The following LATS2 variants were observed in gnomAD, a reference collection of about 807,000 sequenced individuals.
LATS2 encodes large tumor suppressor kinase 2.
LATS2 carries 24 observed loss-of-function variants against 76.0 expected under a neutral mutation model. That is an observed-to-expected ratio of 0.32 (90% confidence interval 0.23 to 0.44). The LOEUF (loss-of-function observed/expected upper bound fraction) is 0.44. LATS2 is among the 20% of genes least tolerant of loss of function. The pLI is 1.00. For synonymous variants in LATS2, 692 were observed against 635.4 expected, an observed-to-expected ratio of 1.09 and a Z score of -1.34; for missense variants, 1,286 against 1,481.2, an observed-to-expected ratio of 0.87 and a Z score of 2.16.
At chr13:21,026,222 G>C (rs1264094126) in intron 2 of LATS2, among the ~76,000 whole-genome samples, 1 of 152,142 alleles carries the variant, frequency 6.6e-6, no homozygotes, top group Non-Finnish European at 1.5e-5. Context: ...CAAAGATACA[G>C]AATATTTCCA....
chr13:20,998,275 C>T (rs1203740024), intron 2 of LATS2, among the ~76,000 whole-genome samples: 1 of 152,118 alleles, frequency 6.6e-6, no homozygotes, highest in Non-Finnish European at 1.5e-5. Flanking sequence ...TCACTTTGAA[C>T]CTGGGAGGTG....
intron 2 of LATS2, among the ~76,000 whole-genome samples, chr13:21,027,983 G>A (rs527631937): frequency 2.7e-4 from 41 of 151,342 alleles, no homozygotes; most frequent in African/African-American, 9.5e-4. Flanking sequence ...ACAATGTGCC[G>A]GTTAGTTACA....
chr13:20,998,660 G>A (rs951054010), intron 2 of LATS2, among the ~76,000 whole-genome samples: 3 of 152,194 alleles, frequency 2.0e-5, no homozygotes, highest in East Asian at 1.9e-4. Context: ...TCCTCTAACC[G>A]CCCCACCATT....
chr13:20,987,492 C>T (rs187690915), intron 4 of LATS2, among the ~76,000 whole-genome samples: 1 of 152,354 alleles, frequency 6.6e-6, no homozygotes, highest in Admixed American at 6.5e-5. Flanking sequence ...CAAAATCCCA[C>T]AATCTCAATT....
chr13:21,009,608 C>G lies in LATS2; in HGVS notation c.343-18204G>C, dbSNP rs141119128. On this transcript the variant is annotated intron_variant, in intron 2 of 7. Coordinates refer to ENST00000382592, the MANE Select transcript of LATS2 (RefSeq NM_014572.3). ...GTGGTGCATTAGCCACACCAAATCA[C>G]TCTTACTATTCTTAATTTTTCATCA... Among the ~76,000 whole-genome samples, 110 of 152,340 alleles carry G rather than the reference C, an allele frequency of 7.2e-4. 2 individuals are homozygous for G. The highest frequency in any genetic ancestry group is 2.4e-3 in the African/African-American group (98 of 41,570).
chr13:21,020,831 G>A (rs1263655621), intron 2 of LATS2, among the ~76,000 whole-genome samples: 2 of 152,328 alleles, frequency 1.3e-5, no homozygotes, highest in Non-Finnish European at 1.5e-5. Context: ...CATCCCTGCT[G>A]TCATGTGGCA....
intron 2 of LATS2, among the ~76,000 whole-genome samples, chr13:20,993,947 T>C (rs1386896761): frequency 6.6e-6 from 1 of 152,216 alleles, no homozygotes; most frequent in Non-Finnish European, 1.5e-5. Context: ...TTCAATTGCT[T>C]CATCTGAAAC....
In LATS2 at chr13:20,974,875, C is replaced by A. The variant is rs777319923; in HGVS notation, c.3262G>T (p.Val1088Leu). 6.2e-7 allele frequency: 1 copy of A among 1,608,924 alleles called. No individual in the cohort carries two copies. The highest frequency in any genetic ancestry group is 8.5e-7 in the Non-Finnish European group (1 of 1,177,530). ...TGGGGGTGCCTGGCCCCCATCTACA[C>A]GTACACAGGCTGGCAGCCTTCAGTC... is the stretch of plus-strand genomic sequence containing the variant. ...DQTEGCQPVY[V>L] Residue 1088 changes from valine to leucine, a missense_variant, in exon 8 of 8, where the codon GTG becomes TTG. Val to Leu is a conservative substitution (Grantham distance 32). Coordinates refer to ENST00000382592, the MANE Select transcript of LATS2 (RefSeq NM_014572.3).
intron 2 of LATS2, among the ~76,000 whole-genome samples, chr13:20,993,179 G>C (rs1237743775): frequency 6.6e-6 from 1 of 152,158 alleles, no homozygotes; most frequent in African/African-American, 2.4e-5. Context: ...ATGCAGCACT[G>C]AGTGTCCCCC....
chr13:21,044,107 C>A (rs1336881517), intron 2 of LATS2, among the ~76,000 whole-genome samples: 4 of 152,242 alleles, frequency 2.6e-5, no homozygotes, highest in African/African-American at 9.6e-5. Flanking sequence ...ACATTACTCA[C>A]AACCCTGTGC....
chr13:21,010,201 A>AAACAAACAAAC (rs1555225649), intron 2 of LATS2, among the ~76,000 whole-genome samples: 465 of 150,724 alleles, frequency 3.1e-3, no homozygotes, highest in African/African-American at 7.6e-3. Context: ...CTCTGTCAAA[A>AAACAAACAAAC]AAACAAACAA....
intron 2 of LATS2, among the ~76,000 whole-genome samples, chr13:21,032,396 T>C (rs1426511244): frequency 6.6e-6 from 1 of 152,080 alleles, no homozygotes; most frequent in Non-Finnish European, 1.5e-5. Context: ...GCCTCCTGAG[T>C]AGCTGGGATT....
At chr13:21,057,030 A>G (rs1413061217) in intron 1 of LATS2, among the ~76,000 whole-genome samples, 1 of 152,212 alleles carries the variant, frequency 6.6e-6, no homozygotes, top group African/African-American at 2.4e-5. Context: ...CCCGAGTAAG[A>G]ATGGAGTTAA....
chr13:21,015,864 T>A (rs374594463), intron 2 of LATS2, among the ~76,000 whole-genome samples: 1 of 151,672 alleles, frequency 6.6e-6, no homozygotes, highest in African/African-American at 2.4e-5. Flanking sequence ...CATGCCCAGC[T>A]AATTTTTGTA....
intron 2 of LATS2, among the ~76,000 whole-genome samples, chr13:21,040,973 T>C (rs949586567): frequency 2.3e-4 from 35 of 151,508 alleles, no homozygotes; most frequent in Non-Finnish European, 1.9e-4. Context: ...AGGCATGTGT[T>C]CACCTTTTTT....
At position 20,981,502 on chromosome 13, in the gene LATS2, G is replaced by C; in HGVS notation, c.2629C>G (p.Pro877Ala). 1 of 1,614,108 alleles carries C rather than the reference G, an allele frequency of 6.2e-7. No homozygotes were observed. Among genetic ancestry groups the C allele is most frequent in the South Asian group, 1.1e-5 (1 of 91,078 alleles). The change falls in exon 6 of 8, where the codon CCA (proline) becomes GCA (alanine). Residue 877 changes from proline (P) to alanine (A), a missense_variant. Pro to Ala is a conservative substitution (Grantham distance 27). This residue lies in a region of LATS2 where 247 missense variants were observed against 385.4 expected (regional missense o/e 0.64). Transcript: ENST00000382592. ...AGCACCTCGGGTGCGATGTAGTTTG[G>C]AGTCCCCACCAGTGAATGTGCCAGG... ...RCLAHSLVGT[P>A]NYIAPEVLLR... is the part of the protein sequence containing the mutation.
At position 21,046,197 on chromosome 13, in the gene LATS2, T is replaced by C; in HGVS notation, c.-171A>G. ...GTAGTTCCTATAGAGAACCTAAAAT[T>C]TTCCAAAGTCTTCATTTTGAAGATT... On this transcript the variant is annotated 5_prime_UTR_variant, in exon 2 of 8. Coordinates refer to ENST00000382592, the MANE Select transcript of LATS2 (RefSeq NM_014572.3). The C allele has an allele frequency of 1.9e-6, 1 of 515,486 alleles. No individual in the cohort carries two copies. The allele number at this position is 515,486 out of a possible 1,614,324, so 31.9% of individuals were successfully genotyped here. A position where few individuals can be genotyped will look rare whatever the true frequency, so the allele number is the denominator to read the frequency against.
At chr13:21,011,914 A>G (rs1223674597) in intron 2 of LATS2, among the ~76,000 whole-genome samples, 3 of 152,218 alleles carry the variant, frequency 2.0e-5, no homozygotes, top group Admixed American at 2.0e-4. Context: ...CTCACTTAAC[A>G]TCATCATTAT....
Position 21,025,645 on chromosome 13 carries a change from C to T in LATS2, c.342+20040G>A, listed in dbSNP as rs368644979. ...CTCTGTCTCATCGTCATTAGGTCTGCACTCATTGACCCAGACAGGTTCAGA... is the reference window on the plus strand; with the variant it reads ...CTCTGTCTCATCGTCATTAGGTCTGTACTCATTGACCCAGACAGGTTCAGA... On this transcript the variant is annotated intron_variant, in intron 2 of 7. Coordinates refer to ENST00000382592, the MANE Select transcript of LATS2 (RefSeq NM_014572.3). Among the ~76,000 whole-genome samples the T allele has an allele frequency of 1.6e-3, 240 of 152,306 alleles. 1 individual carries two copies. Among genetic ancestry groups the T allele is most frequent in the African/African-American group, 5.2e-3 (217 of 41,552 alleles).
Sources: gnomAD v4.1 joint callset for allele counts (sites outside exome capture counted in the v4.1 genomes callset) on GRCh38, gnomAD v4.1.1 for gene constraint, gnomAD v4.1.1 regional missense constraint, MANE v1.5 for transcripts, NCBI Gene and HGNC (gene_info 2026-07-23, HGNC 2026-07-21) for gene names.